Variants in TAMM41 observed in about 807,000 individuals in gnomAD.
TAMM41 encodes phosphatidate cytidylyltransferase, mitochondrial.
A neutral mutation model predicts 44.1 loss-of-function variants in TAMM41; 36 were observed. The observed-to-expected ratio is 0.82, with a 90% CI of 0.63 to 1.08. The LOEUF is 1.08. Among genes scored for constraint, TAMM41 ranks in the 50% least tolerant of loss-of-function variants. The pLI is 0.00. For synonymous variants in TAMM41, 164 were observed against 153.1 expected (o/e 1.07, Z -0.53); for missense variants, 417 against 404.3 (o/e 1.03, Z -0.27).
the TAMM41 span, among the ~76,000 whole-genome samples, chr3:11,759,871 G>A: frequency 6.6e-6 from 1 of 152,138 alleles, no homozygotes; most frequent in African/African-American, 2.4e-5. Context: ...CTATTTGGGA[G>A]GCTGAGGCAG....
At chr3:11,824,301 C>T (rs1362953477) in intron 4 of TAMM41, among the ~76,000 whole-genome samples, 1 of 151,730 alleles carries the variant, frequency 6.6e-6, no homozygotes, top group Non-Finnish European at 1.5e-5. Flanking sequence ...AGCTATTCTC[C>T]TGCCTCAGCC....
At chr3:11,783,339 G>A in the TAMM41 span, among the ~76,000 whole-genome samples, 47 of 112,958 alleles carry the variant, frequency 4.2e-4, no homozygotes, top group Non-Finnish European at 6.0e-4. Flanking sequence ...CAACCATAAA[G>A]CCCAACATCA....
At chr3:11,728,678 G>A in the TAMM41 span, among the ~76,000 whole-genome samples, 1 of 152,158 alleles carries the variant, frequency 6.6e-6, no homozygotes, top group Non-Finnish European at 1.5e-5. Context: ...CTGTGATTGA[G>A]GGCGATGTTC....
chr3:11,751,584 C>G, the TAMM41 span, among the ~76,000 whole-genome samples: 2 of 152,146 alleles, frequency 1.3e-5, no homozygotes, highest in Non-Finnish European at 1.5e-5. Context: ...CTGAGGACAA[C>G]CAGGGCACTG....
the TAMM41 span, among the ~76,000 whole-genome samples, chr3:11,747,019 C>A: frequency 6.6e-6 from 1 of 152,012 alleles, no homozygotes; most frequent in South Asian, 2.1e-4. Context: ...TCAGTGGTTA[C>A]CTGGAATAGG....
chr3:11,790,045 C>T (rs992304048), downstream of TAMM41, among the ~76,000 whole-genome samples: 1 of 152,028 alleles, frequency 6.6e-6, no homozygotes, highest in African/African-American at 2.4e-5. Context: ...AAGAAACACA[C>T]GAAAAGCCTA....
At chr3:11,816,316 T>C (rs780397380) in intron 5 of TAMM41, among the ~76,000 whole-genome samples, 1 of 151,338 alleles carries the variant, frequency 6.6e-6, no homozygotes, top group Non-Finnish European at 1.5e-5. Flanking sequence ...TTATTTGATA[T>C]ATCAAAAAGA....
At chr3:11,831,529 C>T (rs904723942) in intron 3 of TAMM41, among the ~76,000 whole-genome samples, 2 of 152,078 alleles carry the variant, frequency 1.3e-5, no homozygotes, top group Admixed American at 6.6e-5. Flanking sequence ...TTGGTACTAT[C>T]GACACATTTT....
At chr3:11,827,835 A>G (rs2078822544) in intron 4 of TAMM41, among the ~76,000 whole-genome samples, 1 of 152,170 alleles carries the variant, frequency 6.6e-6, no homozygotes, top group African/African-American at 2.4e-5. Flanking sequence ...AAGGATTGTT[A>G]TTGCTACAAA....
chr3:11,741,075 C>G, the TAMM41 span, among the ~76,000 whole-genome samples: 1 of 146,926 alleles, frequency 6.8e-6, no homozygotes, highest in Non-Finnish European at 1.5e-5. Context: ...AAAAATTAGC[C>G]AGGCATGGTG....
At chr3:11,801,204 T>C (rs2077743741) in intron 7 of TAMM41, among the ~76,000 whole-genome samples, 1 of 151,808 alleles carries the variant, frequency 6.6e-6, no homozygotes, top group Non-Finnish European at 1.5e-5. Flanking sequence ...AAATCAAGTA[T>C]CTTCTCAGAC....
intron 4 of TAMM41, among the ~76,000 whole-genome samples, chr3:11,824,459 A>G (rs1283386673): frequency 6.9e-6 from 1 of 145,816 alleles, no homozygotes; most frequent in African/African-American, 2.6e-5. Flanking sequence ...CCGCCCGGCT[A>G]ATTTCTGTAT....
the TAMM41 span, among the ~76,000 whole-genome samples, chr3:11,774,095 C>A: frequency 1.3e-4 from 19 of 147,456 alleles, no homozygotes; most frequent in African/African-American, 2.9e-4. Context: ...CTCAAAAAAA[C>A]CAAAACAAAA....
chr3:11,754,458 C>T, the TAMM41 span, among the ~76,000 whole-genome samples: 2 of 152,074 alleles, frequency 1.3e-5, no homozygotes, highest in African/African-American at 2.4e-5. Flanking sequence ...ACTGCAGCCT[C>T]GACCTCCTGG....
chr3:11,815,107 A>G (rs758040630), intron 5 of TAMM41, among the ~76,000 whole-genome samples: 1 of 152,256 alleles, frequency 6.6e-6, no homozygotes, highest in Non-Finnish European at 1.5e-5. Context: ...AAGGGAGGGT[A>G]GAATTTTCAG....
the TAMM41 span, among the ~76,000 whole-genome samples, chr3:11,729,083 A>C: frequency 6.6e-6 from 1 of 151,962 alleles, no homozygotes; most frequent in Non-Finnish European, 1.5e-5. Context: ...TTCTTTTCAC[A>C]GCATGGTTCT....
chr3:11,778,916 C>G, the TAMM41 span, among the ~76,000 whole-genome samples: 1 of 152,228 alleles, frequency 6.6e-6, no homozygotes, highest in East Asian at 1.9e-4. Flanking sequence ...TTTAGGTTAG[C>G]CTTTCACTTT....
the TAMM41 span, among the ~76,000 whole-genome samples, chr3:11,741,007 T>A: frequency 2.2e-5 from 3 of 136,432 alleles, no homozygotes; most frequent in Admixed American, 7.5e-5. Flanking sequence ...GATTACGAGG[T>A]CAGGAGTTCG....
chr3:11,843,945 A>T, intron 2 of TAMM41, 84 bp downstream of exon 2: 1 of 1,415,992 alleles, frequency 7.1e-7, no homozygotes, highest in Non-Finnish European at 9.7e-7. Flanking sequence ...TTTCCTGACC[A>T]CAAGAACATA....
Sources: gnomAD v4.1 joint callset for allele counts (sites outside exome capture counted in the v4.1 genomes callset) on GRCh38, gnomAD v4.1.1 for gene constraint, MANE v1.5 for transcripts, NCBI Gene and HGNC (gene_info 2026-07-23, HGNC 2026-07-21) for gene names.